The following SLCO1B3 variants were observed in gnomAD, a reference collection of about 807,000 sequenced individuals.
SLCO1B3 encodes liver-specific organic anion transporter 2.
A neutral mutation model predicts 71.8 loss-of-function variants in SLCO1B3; 72 were observed. That is an observed-to-expected ratio of 1.00 (90% CI 0.83 to 1.22). The LOEUF is 1.22. Ranked by LOEUF, SLCO1B3 falls within the 50% of genes most tolerant of loss-of-function variation. The pLI is 0.00. For missense variants in SLCO1B3, 911 were observed against 819.7 expected (o/e 1.11, Z -1.36); for synonymous variants, 298 against 278.4 (o/e 1.07, Z -0.70).
chr12:20,901,613 A>C (rs1415465234), intron 15 of SLCO1B3, 146 bp downstream of exon 15: 2 of 533,540 alleles, frequency 3.7e-6, no homozygotes, highest in Admixed American at 3.8e-5. Context: ...TGTATCAAGC[A>C]TTCTGGTATC....
At chr12:20,884,856 A>G (rs529818562) in intron 13 of SLCO1B3, among the ~76,000 whole-genome samples, 1 of 152,164 alleles carries the variant, frequency 6.6e-6, no homozygotes, top group Admixed American at 6.5e-5. Flanking sequence ...TACAGTTGTT[A>G]AATTTTCACC....
Position 20,880,510 on chromosome 12 carries a change from T to TAATGTAAAGTTTCATTGATAG in SLCO1B3, c.1332-340_1332-320dup, listed in dbSNP as rs780014999. ...TCTCAGAAAAATGAAGTTACTTATATAATGTAAAGTTTCATTGATAGAATG... is the reference window on the plus strand; with the variant it reads ...TCTCAGAAAAATGAAGTTACTTATATAATGTAAAGTTTCATTGATAGAATGTAAAGTTTCATTGATAGAATG... On this transcript the variant is annotated intron_variant, in intron 11 of 15. Coordinates refer to ENST00000381545, the MANE Select transcript of SLCO1B3 (RefSeq NM_019844.4). Among the ~76,000 whole-genome samples, 464 of 152,198 alleles carry TAATGTAAAGTTTCATTGATAG rather than the reference T, an allele frequency of 3.0e-3. 3 individuals are homozygous for TAATGTAAAGTTTCATTGATAG. Among genetic ancestry groups the TAATGTAAAGTTTCATTGATAG allele is most frequent in the Non-Finnish European group, 4.8e-3 (328 of 67,964 alleles).
At chr12:20,846,905 G>A (rs944036721) in intron 3 of SLCO1B3, among the ~76,000 whole-genome samples, 2 of 151,994 alleles carry the variant, frequency 1.3e-5, no homozygotes, top group Admixed American at 1.3e-4. Context: ...CTCTTATCTC[G>A]ATGCCAGTTG....
chr12:20,880,377 A>T (rs1865665273), intron 11 of SLCO1B3, among the ~76,000 whole-genome samples: 1 of 151,720 alleles, frequency 6.6e-6, no homozygotes, highest in Non-Finnish European at 1.5e-5. Context: ...TAAAATATAG[A>T]TTGTAAAATT....
chr12:20,882,658 C>T (rs1865715966), intron 12 of SLCO1B3, among the ~76,000 whole-genome samples: 1 of 152,146 alleles, frequency 6.6e-6, no homozygotes, highest in Non-Finnish European at 1.5e-5. Context: ...CCTGCCTCAT[C>T]CTCCCAAAGT....
rs1323357102 is a variant in SLCO1B3 at position 20,862,429 on chromosome 12, G to A, written c.499G>A (p.Gly167Arg). 6.2e-7 allele frequency: 1 copy of A among 1,612,002 alleles called. No individual in the cohort carries two copies. The highest frequency in any genetic ancestry group is 1.7e-5 in the Admixed American group (1 of 59,742). The change falls in exon 7 of 16, where the codon GGG (glycine) becomes AGG (arginine). Residue 167 changes from glycine (G) to arginine (R), a missense_variant. Transcript: ENST00000381545. The part of the protein sequence containing the change: ...IVEKDCVKES[G>R]SHMWIYVFMG... ...CTCGATAGATTGTGTAAAGGAATCT[G>A]GGTCACACATGTGGATCTATGTCTT...
intron 2 of SLCO1B3, among the ~76,000 whole-genome samples, chr12:20,814,976 C>CTTTTTTTTTT (rs1297703814): frequency 2.6e-5 from 3 of 117,108 alleles, no homozygotes; most frequent in East Asian, 4.9e-4. Context: ...CTTTTCTTTT[C>CTTTTTTTTTT]TTTTCTTTTT....
At chr12:20,856,588 G>A (rs1280634722) in intron 4 of SLCO1B3, among the ~76,000 whole-genome samples, 2 of 152,114 alleles carry the variant, frequency 1.3e-5, no homozygotes, top group Non-Finnish European at 2.9e-5. Flanking sequence ...TCAAGGCAGA[G>A]TCTCCCTCTG....
In SLCO1B3 at chr12:20,816,474, G is replaced by A. The variant is rs369359476; in HGVS notation, c.84+652G>A. Among the ~76,000 whole-genome samples the A allele has an allele frequency of 1.1e-3, 163 of 152,130 alleles. 4 individuals carry two copies. The South Asian group carries it at 0.033, about 31-fold the overall frequency. On this transcript the variant is annotated intron_variant, in intron 3 of 15. Transcript: ENST00000381545. The stretch of plus-strand genomic sequence containing the variant: ...ATGCAATGTTTGTCTTTCTGTGCCT[G>A]GATTATTTCAGTTAACATAATGATC...
At chr12:20,833,040 A>G (rs1489427947) in intron 3 of SLCO1B3, among the ~76,000 whole-genome samples, 2 of 152,194 alleles carry the variant, frequency 1.3e-5, no homozygotes, top group East Asian at 3.9e-4. Flanking sequence ...TCTTTCTGAA[A>G]ATTCTAGGGA....
chr12:20,901,265 ATCCAAAATGTATCAATAT>A (rs1866126340), intron 14 of SLCO1B3, 67 bp from the exon 15 acceptor site: 6 of 905,652 alleles, frequency 6.6e-6, no homozygotes, highest in Non-Finnish European at 6.8e-6. Context: ...ACTTGTATTA[ATCCAAAATGTATCAATAT>A]CGACTATCGC....
At chr12:20,854,635 G>T (rs1430193838) in intron 3 of SLCO1B3, among the ~76,000 whole-genome samples, 1 of 152,178 alleles carries the variant, frequency 6.6e-6, no homozygotes, top group Non-Finnish European at 1.5e-5. Flanking sequence ...CTGGCTTCCT[G>T]AAAGTGCTAC....
Position 20,898,421 on chromosome 12 carries a change from T to C in SLCO1B3, c.1683-15T>C. Reference sequence around the variant, plus strand: ...TAATGACATGTATTATTTCTTTGCCTTTATCATATTTCAGGATTGTTCAAC... The same window carrying C: ...TAATGACATGTATTATTTCTTTGCCCTTATCATATTTCAGGATTGTTCAAC... On this transcript the variant is annotated splice_polypyrimidine_tract_variant and intron_variant, in intron 13 of 15. Transcript: ENST00000381545. 1 of 1,564,138 alleles carries C rather than the reference T, an allele frequency of 6.4e-7. No individual in the cohort carries two copies. The highest frequency in any genetic ancestry group is 8.8e-7 in the Non-Finnish European group (1 of 1,138,012).
intron 13 of SLCO1B3, among the ~76,000 whole-genome samples, chr12:20,897,544 ATTTAC>A (rs1357182936): frequency 6.6e-6 from 1 of 152,198 alleles, no homozygotes; most frequent in Non-Finnish European, 1.5e-5. Flanking sequence ...TAATTTGTCT[ATTTAC>A]TTTCAAGAAT....
chr12:20,859,492 C>CCCCG (rs1565592080), intron 5 of SLCO1B3, among the ~76,000 whole-genome samples: 12 of 142,498 alleles, frequency 8.4e-5, no homozygotes, highest in Admixed American at 3.5e-4. Context: ...TGTTTTTTTC[C>CCCCG]CCCTCTACAT....
At chr12:20,840,143 A>T (rs1296555937) in intron 3 of SLCO1B3, among the ~76,000 whole-genome samples, 1 of 152,162 alleles carries the variant, frequency 6.6e-6, no homozygotes, top group African/African-American at 2.4e-5. Context: ...CATCTCTGCC[A>T]TATGTGAGTT....
At chr12:20,891,182 T>C (rs1379417944) in intron 13 of SLCO1B3, among the ~76,000 whole-genome samples, 1 of 152,154 alleles carries the variant, frequency 6.6e-6, no homozygotes, top group African/African-American at 2.4e-5. Context: ...ATGTTAGAAC[T>C]CCTTCAAGCC....
At chr12:20,820,268 T>G (rs1003458339) in intron 3 of SLCO1B3, among the ~76,000 whole-genome samples, 5 of 152,164 alleles carry the variant, frequency 3.3e-5, no homozygotes, top group Non-Finnish European at 7.3e-5. Flanking sequence ...TCAGGCAGCA[T>G]CAGTCTTCAG....
intron 7 of SLCO1B3, 61 bp from the exon 8 acceptor site, chr12:20,862,695 C>A: frequency 2.0e-6 from 3 of 1,471,640 alleles, no homozygotes; most frequent in South Asian, 1.2e-5. Flanking sequence ...CTTTTAAAAG[C>A]ATGTTAAATG....
Sources: gnomAD v4.1 joint callset for allele counts (sites outside exome capture counted in the v4.1 genomes callset) on GRCh38, gnomAD v4.1.1 for gene constraint, MANE v1.5 for transcripts, NCBI Gene and HGNC (gene_info 2026-07-23, HGNC 2026-07-21) for gene names.